Variants in HTR2C observed in about 807,000 individuals in gnomAD.
HTR2C encodes 5-hydroxytryptamine receptor 2C.
HTR2C carries 5 observed loss-of-function variants against 21.0 expected under a neutral mutation model. That is an observed-to-expected ratio of 0.24 (90% CI 0.12 to 0.50). HTR2C has a LOEUF of 0.50. Ranked by LOEUF, HTR2C falls within the 20% of genes least tolerant of loss-of-function variation. The pLI is 0.98. For synonymous variants in HTR2C, 150 were observed against 145.3 expected (o/e 1.03, Z -0.23); for missense variants, 271 against 371.2 (o/e 0.73, Z 2.22).
At chrX:114,671,743 A>T (rs1426336578) in intron 2 of HTR2C, among the ~76,000 whole-genome samples, 1 of 112,140 alleles carries the variant, frequency 8.9e-6, no homozygotes, top group East Asian at 2.8e-4. Context: ...CACATTATTG[A>T]TGTGGACTAT....
intron 2 of HTR2C, among the ~76,000 whole-genome samples, chrX:114,686,408 C>G (rs2147857597): frequency 9.0e-6 from 1 of 111,265 alleles, no homozygotes; most frequent in Admixed American, 9.6e-5. Flanking sequence ...TTAGTGGTAA[C>G]TTTGACAATT....
chrX:114,753,526 T>C (rs2069782249), intron 4 of HTR2C, among the ~76,000 whole-genome samples: 1 of 111,679 alleles, frequency 9.0e-6, no homozygotes, highest in Non-Finnish European at 1.9e-5. Context: ...GATGTAATTG[T>C]TTTTGTAGAA....
intron 2 of HTR2C, among the ~76,000 whole-genome samples, chrX:114,633,947 T>TATATATAG (rs201763901): frequency 1.2e-3 from 108 of 92,184 alleles, no homozygotes; most frequent in African/African-American, 3.9e-3. Flanking sequence ...TATATATATA[T>TATATATAG]AGAGAGAGAG....
intron 4 of HTR2C, among the ~76,000 whole-genome samples, chrX:114,753,454 A>G (rs1247365794): frequency 8.9e-6 from 1 of 111,779 alleles, no homozygotes; most frequent in Admixed American, 9.5e-5. Flanking sequence ...AGCCATTGCA[A>G]TAAGGCAAAA....
intron 2 of HTR2C, among the ~76,000 whole-genome samples, chrX:114,713,693 C>T (rs1932929299): frequency 9.0e-6 from 1 of 111,509 alleles, no homozygotes; most frequent in South Asian, 3.7e-4. Context: ...TAAGTTACTT[C>T]TCCCTCTTGA....
intron 2 of HTR2C, among the ~76,000 whole-genome samples, chrX:114,712,465 A>AT (rs1406405162): frequency 1.8e-5 from 2 of 112,096 alleles, no homozygotes; most frequent in Non-Finnish European, 3.8e-5. Context: ...GATGGAACTA[A>AT]TTTTGAATTT....
intron 5 of HTR2C, among the ~76,000 whole-genome samples, chrX:114,874,888 G>A (rs782399263): frequency 2.7e-5 from 3 of 111,526 alleles, no homozygotes; most frequent in Non-Finnish European, 5.6e-5. Context: ...CCATTTGTAT[G>A]TCTTCTCTGG....
intron 5 of HTR2C, among the ~76,000 whole-genome samples, chrX:114,859,839 T>C (rs2070992621): frequency 8.9e-6 from 1 of 111,802 alleles, no homozygotes; most frequent in African/African-American, 3.2e-5. Context: ...TTCTCTAAAT[T>C]CTACTTTAGC....
intron 4 of HTR2C, among the ~76,000 whole-genome samples, chrX:114,741,880 C>CT (rs199894312): frequency 3.1e-4 from 34 of 110,152 alleles, no homozygotes; most frequent in African/African-American, 1.1e-3. Context: ...ATGAGGTTCC[C>CT]TTTTTTTTTC....
chrX:114,672,702 T>C (rs1269130324), intron 2 of HTR2C, among the ~76,000 whole-genome samples: 1 of 112,001 alleles, frequency 8.9e-6, no homozygotes, highest in Non-Finnish European at 1.9e-5. Flanking sequence ...ACACAACCAA[T>C]TAAGACTTCA....
chrX:114,704,275 G>A (rs782103400), intron 2 of HTR2C, among the ~76,000 whole-genome samples: 3,508 of 111,094 alleles, frequency 0.032, 73 homozygotes, highest in Non-Finnish European at 0.045. Flanking sequence ...ATTTTAGACC[G>A]ATATCCTTGA....
rs199528773 is a variant in HTR2C at position 114,765,599 on chromosome X, A to AAAC, written c.349+34013_349+34015dup. The stretch of plus-strand genomic sequence containing the variant: ...ATGTTGAACATACTATGTTCCTGAA[A>AAAC]AACAACAACAACAACAACAACAAAT... On this transcript the variant is annotated intron_variant, in intron 4 of 5. Coordinates refer to ENST00000276198, the MANE Select transcript of HTR2C (RefSeq NM_000868.4). Among the ~76,000 whole-genome samples the AAAC allele has an allele frequency of 1.1e-3, 117 of 110,598 alleles. 1 individual carries two copies. Among genetic ancestry groups the AAAC allele is most frequent in the African/African-American group, 3.2e-3 (99 of 30,474 alleles).
chrX:114,627,738 A>G (rs1295512315), intron 2 of HTR2C, among the ~76,000 whole-genome samples: 3 of 111,945 alleles, frequency 2.7e-5, no homozygotes, highest in Non-Finnish European at 5.6e-5. Flanking sequence ...TAGGTGCTCC[A>G]TAAATATTTG....
intron 2 of HTR2C, among the ~76,000 whole-genome samples, chrX:114,682,210 G>A (rs1368137406): frequency 9.0e-6 from 1 of 110,867 alleles, no homozygotes; most frequent in Non-Finnish European, 1.9e-5. Flanking sequence ...AACAAGAAAG[G>A]AATACCCAGA....
At chrX:114,651,556 C>T (rs781890666) in intron 2 of HTR2C, 1 of 125,539 alleles carries the variant, frequency 8.0e-6, no homozygotes, top group South Asian at 3.6e-4. Flanking sequence ...CTAGGATGTG[C>T]TCATTGCATG....
chrX:114,665,039 A>G (rs1202521574), intron 2 of HTR2C, among the ~76,000 whole-genome samples: 1 of 112,502 alleles, frequency 8.9e-6, no homozygotes, highest in Non-Finnish European at 1.9e-5. Flanking sequence ...TCATTCATGT[A>G]TCGCAAATAG....
intron 2 of HTR2C, chrX:114,715,436 G>A (rs1932975146): frequency 3.8e-6 from 1 of 265,422 alleles, no homozygotes; most frequent in Admixed American, 4.1e-5. Flanking sequence ...AATTGCTTGT[G>A]GGTGAAGAGA....
At chrX:114,793,921 G>A (rs1556444388) in intron 4 of HTR2C, among the ~76,000 whole-genome samples, 1 of 110,545 alleles carries the variant, frequency 9.0e-6, no homozygotes, top group East Asian at 2.8e-4. Flanking sequence ...GAGTAAGTTA[G>A]ATGTTAGTGA....
chrX:114,748,735 A>C (rs781836234), intron 4 of HTR2C, among the ~76,000 whole-genome samples: 4 of 112,332 alleles, frequency 3.6e-5, no homozygotes, highest in Admixed American at 9.4e-5. Context: ...AAATAAACTC[A>C]AAATGGAATA....
Sources: allele counts gnomAD v4.1 joint callset (sites outside exome capture counted in the v4.1 genomes callset), GRCh38; gene constraint gnomAD v4.1.1; transcripts MANE v1.5; gene names NCBI Gene and HGNC (gene_info 2026-07-23, HGNC 2026-07-21).